The following CCDC62 variants were observed in gnomAD, a reference collection of about 807,000 sequenced individuals.
CCDC62 encodes the protein coiled-coil domain containing 62.
CCDC62 carries 72 observed loss-of-function variants against 80.8 expected under a neutral mutation model. The ratio of observed to expected loss-of-function variants is 0.89; its 90% CI spans 0.74 to 1.08. CCDC62 has a LOEUF of 1.08. CCDC62 is among the 50% of genes least tolerant of loss of function. The pLI is 0.00. For missense variants in CCDC62, 704 were observed against 809.4 expected, an observed-to-expected ratio of 0.87 and a Z score of 1.58; for synonymous variants, 286 against 296.5, an observed-to-expected ratio of 0.96 and a Z score of 0.36.
intron 11 of CCDC62, among the ~76,000 whole-genome samples, chr12:122,817,128 T>C (rs938392160): frequency 6.6e-6 from 1 of 151,900 alleles, no homozygotes; most frequent in Non-Finnish European, 1.5e-5. Flanking sequence ...CTTGGCTCAC[T>C]GCAAGCTCCA....
chr12:122,789,278 G>A (rs528759707), intron 5 of CCDC62, among the ~76,000 whole-genome samples: 1 of 152,298 alleles, frequency 6.6e-6, no homozygotes, highest in African/African-American at 2.4e-5. Context: ...AGAGGCAAAT[G>A]GGGGAGTTGG....
intron 10 of CCDC62, among the ~76,000 whole-genome samples, chr12:122,812,777 G>GAGAGAGAGAAAGAA (rs750420995): frequency 7.1e-4 from 41 of 57,770 alleles, no homozygotes; most frequent in African/African-American, 3.0e-3. Context: ...GAGAGAGAGA[G>GAGAGAGAGAAAGAA]AGAAAGAAAG....
rs1190119692 is a variant in CCDC62 at position 122,826,461 on chromosome 12, A to C, written c.*80A>C. The stretch of plus-strand genomic sequence containing the variant: ...TGGAAGGCAGAAAGCAGACACCAAT[A>C]CTGAATGAATACTTAACCGTAAAAC... On this transcript the variant is annotated 3_prime_UTR_variant, in exon 13 of 13. Coordinates refer to ENST00000253079, the MANE Select transcript of CCDC62 (RefSeq NM_201435.5). 3.8e-6 allele frequency: 3 copies of C among 779,284 alleles called. No homozygotes were observed. The highest frequency in any genetic ancestry group is 7.2e-6 in the Non-Finnish European group (3 of 417,548). The allele number at this position is 779,284 out of a possible 1,614,324, so 48.3% of individuals were successfully genotyped here.
chr12:122,807,852 G>A (rs1476771087), intron 10 of CCDC62, among the ~76,000 whole-genome samples: 1 of 152,112 alleles, frequency 6.6e-6, no homozygotes, highest in Non-Finnish European at 1.5e-5. Context: ...TTATATAAAT[G>A]CATTCAAACT....
At chr12:122,820,020 C>G (rs1475919290) in intron 11 of CCDC62, among the ~76,000 whole-genome samples, 2 of 114,456 alleles carry the variant, frequency 1.7e-5, no homozygotes, top group East Asian at 6.1e-4. Flanking sequence ...TGTGATTGAG[C>G]AACTGTATTC....
intron 10 of CCDC62, among the ~76,000 whole-genome samples, chr12:122,811,033 G>A (rs1321701163): frequency 1.4e-5 from 2 of 142,206 alleles, no homozygotes; most frequent in Non-Finnish European, 3.0e-5. Context: ...GGTGGGGGGA[G>A]GGGGGAGGGA....
chr12:122,795,580 T>C (rs186631845), intron 6 of CCDC62, among the ~76,000 whole-genome samples: 50 of 152,180 alleles, frequency 3.3e-4, no homozygotes, highest in South Asian at 4.1e-4. Context: ...CCCGCCACCA[T>C]GCCCAGCTAA....
intron 11 of CCDC62, among the ~76,000 whole-genome samples, chr12:122,821,741 G>A (rs911049062): frequency 4.6e-5 from 7 of 151,604 alleles, no homozygotes; most frequent in East Asian, 3.9e-4. Context: ...GCCACTGTGC[G>A]TAGCCACTAT....
chr12:122,788,558 G>A (rs147792777), intron 4 of CCDC62, among the ~76,000 whole-genome samples, 200 bp from the exon 5 acceptor site: 6 of 152,310 alleles, frequency 3.9e-5, no homozygotes, highest in Non-Finnish European at 8.8e-5. Context: ...AAGGAACGCA[G>A]CCTTTCTGTT....
At chr12:122,792,707 C>T (rs954819856) in intron 6 of CCDC62, among the ~76,000 whole-genome samples, 2 of 152,056 alleles carry the variant, frequency 1.3e-5, no homozygotes, top group African/African-American at 4.8e-5. Flanking sequence ...TTAGTAGAGA[C>T]GGGGTTTCAC....
chr12:122,775,116 A>AAG (rs398021449), intron 1 of CCDC62, among the ~76,000 whole-genome samples: 1 of 150,150 alleles, frequency 6.7e-6, no homozygotes, highest in Non-Finnish European at 1.5e-5. Context: ...AAAAAAAAAA[A>AAG]GTGAAACAAT....
At chr12:122,776,331 C>T (rs1329168796) in intron 1 of CCDC62, among the ~76,000 whole-genome samples, 2 of 152,096 alleles carry the variant, frequency 1.3e-5, no homozygotes, top group Non-Finnish European at 2.9e-5. Flanking sequence ...TTTTAAAATG[C>T]TGTATACTTC....
chr12:122,796,012 GACCC>G (rs2135551557), intron 6 of CCDC62, among the ~76,000 whole-genome samples: 1 of 152,272 alleles, frequency 6.6e-6, no homozygotes, highest in African/African-American at 2.4e-5. Context: ...AAAATAGTCA[GACCC>G]AATCCACTTT....
intron 6 of CCDC62, among the ~76,000 whole-genome samples, chr12:122,792,695 T>A (rs1218744075): frequency 6.6e-6 from 1 of 151,030 alleles, no homozygotes; most frequent in African/African-American, 2.4e-5. Context: ...ATTTTTATAT[T>A]TTTAGTAGAG....
chr12:122,780,723 T>C (rs1451015411), intron 2 of CCDC62, among the ~76,000 whole-genome samples: 2 of 152,100 alleles, frequency 1.3e-5, no homozygotes, highest in South Asian at 2.1e-4. Context: ...TACCTAGCAA[T>C]GTTAGTGCAC....
chr12:122,803,892 A>T (rs7309225), intron 9 of CCDC62, among the ~76,000 whole-genome samples: 6 of 152,020 alleles, frequency 3.9e-5, no homozygotes, highest in Admixed American at 3.3e-4. Context: ...AACGTATGAA[A>T]TAAGTTCAGA....
intron 11 of CCDC62, among the ~76,000 whole-genome samples, chr12:122,814,449 G>A (rs1380843824): frequency 6.6e-6 from 1 of 150,598 alleles, no homozygotes; most frequent in Non-Finnish European, 1.5e-5. Flanking sequence ...ATCATATCAT[G>A]TCACTCATAA....
chr12:122,812,777 G>GAGAGAGAGAGAGAAAGAA lies in CCDC62; in HGVS notation c.1852-490_1852-489insGAGAGAGAGAAAGAAAGA, dbSNP rs750420995. The stretch of plus-strand genomic sequence containing the variant: ...GGAGGGAGAGAGAGAGAGAGAGAGA[G>GAGAGAGAGAGAGAAAGAA]AGAAAGAAAGAAAGAAAGAAAGAAA... On this transcript the variant is annotated intron_variant, in intron 10 of 12. Transcript: ENST00000253079. Among the ~76,000 whole-genome samples, 126 of 57,750 alleles carry GAGAGAGAGAGAGAAAGAA rather than the reference G, an allele frequency of 2.2e-3. 2 individuals carry two copies. Among genetic ancestry groups the GAGAGAGAGAGAGAAAGAA allele is most frequent in the African/African-American group, 9.0e-3 (116 of 12,820 alleles). The allele number at this position is 57,750 out of a possible 152,430, so 37.9% of individuals were successfully genotyped here. A position where few individuals can be genotyped will look rare whatever the true frequency, so the allele number is the denominator to read the frequency against.
At chr12:122,785,866 T>A (rs754438806) in intron 4 of CCDC62, 46 bp downstream of exon 4, 1 of 1,237,160 alleles carries the variant, frequency 8.1e-7, no homozygotes, top group East Asian at 2.3e-5. Flanking sequence ...TGCTTGGTAG[T>A]TATATCCATA....
Sources: allele counts gnomAD v4.1 joint callset (sites outside exome capture counted in the v4.1 genomes callset), GRCh38; gene constraint gnomAD v4.1.1; transcripts MANE v1.5; gene names NCBI Gene and HGNC (gene_info 2026-07-23, HGNC 2026-07-21).